Variants in ZNF548 observed in about 807,000 individuals in gnomAD.
The protein encoded by ZNF548 is zinc finger protein 548.
In ZNF548, 10 loss-of-function variants were observed where a neutral mutation model predicts 10.2. The ratio of observed to expected loss-of-function variants is 0.98; its 90% CI spans 0.60 to 1.66. The LOEUF (loss-of-function observed/expected upper bound fraction) is 1.66, where lower values mean the gene tolerates loss of function less well. Ranked by LOEUF, ZNF548 falls within the 40% of genes most tolerant of loss-of-function variation. The probability of loss-of-function intolerance (pLI) is 0.00; values close to 1 mark genes in which losing one functional copy is unlikely to be tolerated. For synonymous variants in ZNF548, 217 were observed against 223.5 expected, an observed-to-expected ratio of 0.97 and a Z score of 0.26; for missense variants, 599 against 657.0, an observed-to-expected ratio of 0.91 and a Z score of 0.97.
At chr19:57,396,453 G>A (rs958568789) in intron 2 of ZNF548, among the ~76,000 whole-genome samples, 1 of 152,232 alleles carries the variant, frequency 6.6e-6, no homozygotes, top group Admixed American at 6.5e-5. Flanking sequence ...TCCACATTGG[G>A]AGGGTGTGGA....
At chr19:57,397,277 T>G (rs536421371) in intron 3 of ZNF548, 103 bp downstream of exon 3, 43 of 1,423,112 alleles carry the variant, frequency 3.0e-5, no homozygotes, top group East Asian at 1.7e-4. Context: ...GGGTGCTGCT[T>G]CTTTTCCCTG....
chr19:57,399,581 T>G lies in ZNF548; in HGVS notation c.1330T>G (p.Tyr444Asp). The G allele has an allele frequency of 6.2e-7, 1 of 1,613,992 alleles. No homozygotes were observed. The highest frequency in any genetic ancestry group is 8.5e-7 in the Non-Finnish European group (1 of 1,179,986). The change falls in exon 4 of 4, where the codon TAC becomes GAC. Residue 444 changes from tyrosine to aspartate, a missense_variant. Transcript: ENST00000336128. This position sits in a 1 kb window ranked among gnomAD's most constrained non-coding sequence, Gnocchi z 4.0. ...CAGCGAATGCGGGAAATTCTTTCGTTACAACTCCAACCTCATTAAACATTG... is the reference window on the plus strand; with the variant it reads ...CAGCGAATGCGGGAAATTCTTTCGTGACAACTCCAACCTCATTAAACATTG... ...ECSECGKFFR[Y>D]NSNLIKHWRN... is the part of the protein sequence containing the mutation.
chr19:57,397,204 G>T, intron 3 of ZNF548, 30 bp downstream of exon 3: 1 of 1,549,270 alleles, frequency 6.5e-7, no homozygotes, highest in Non-Finnish European at 8.7e-7. Context: ...CCAGTGTCCT[G>T]GGTTAGGCTG....
In ZNF548 at chr19:57,398,718, A is replaced by T; in HGVS notation, c.467A>T (p.His156Leu). The T allele has an allele frequency of 6.2e-7, 1 of 1,613,784 alleles. No homozygotes were observed. Among genetic ancestry groups the T allele is most frequent in the Non-Finnish European group, 8.5e-7 (1 of 1,179,840 alleles). ...TGGATACCTTCATTTGGGAAGAACC[A>T]CAGAGTTCACATGGCAGAGGAGATC... Reference protein sequence around the residue: ...DDWIPSFGKNHRVHMAEEIFT... With the variant: ...DDWIPSFGKNLRVHMAEEIFT... The change falls in exon 4 of 4, where the codon CAC becomes CTC. Residue 156 changes from histidine to leucine, a missense_variant. By Grantham distance (99) the His-to-Leu change is moderately conservative. Transcript: ENST00000336128.
intron 1 of ZNF548, among the ~76,000 whole-genome samples, chr19:57,392,489 A>G (rs1039062329): frequency 1.3e-5 from 2 of 152,202 alleles, no homozygotes; most frequent in Non-Finnish European, 2.9e-5. Context: ...GTCCAGATTC[A>G]TTCTTTTTCA....
intron 1 of ZNF548, among the ~76,000 whole-genome samples, chr19:57,393,592 G>A (rs1484764780): frequency 2.0e-5 from 3 of 150,758 alleles, no homozygotes; most frequent in African/African-American, 4.9e-5. Flanking sequence ...AACAGGAGGC[G>A]GAGGTTGCAG....
Position 57,398,744 on chromosome 19 carries a change from T to C in ZNF548, c.493T>C (p.Phe165Leu). 1 of 1,614,028 alleles carries C rather than the reference T, an allele frequency of 6.2e-7. No homozygotes were observed. The highest frequency in any genetic ancestry group is 8.5e-7 in the Non-Finnish European group (1 of 1,179,914). Residue 165 changes from phenylalanine to leucine, a missense_variant, in exon 4 of 4, where the codon TTC becomes CTC. Coordinates refer to ENST00000336128, the MANE Select transcript of ZNF548 (RefSeq NM_001172773.2). ...CAGAGTTCACATGGCAGAGGAGATC[T>C]TCACATGCATGGAGGGCTGGAAGGA... ...NHRVHMAEEI[F>L]TCMEGWKDLP... is the part of the protein sequence containing the mutation.
rs997743933 is a variant in ZNF548 at position 57,399,343 on chromosome 19, C to T, written c.1092C>T (p.Leu364=). 7 of 1,613,956 alleles carry T rather than the reference C, an allele frequency of 4.3e-6. No individual in the cohort carries two copies. The highest frequency in any genetic ancestry group is 2.2e-5 in the South Asian group (2 of 91,078). The change falls in exon 4 of 4, where the codon CTC becomes CTT. Residue 364 remains leucine (L), a synonymous_variant. Transcript: ENST00000336128. The surrounding 1 kb of genome is among the most constrained non-coding windows in gnomAD (Gnocchi z 4.0). ...CGKFFRYIST[L]IRHQRIHTGE... is the part of the protein sequence containing the mutation. Reference sequence around the variant, plus strand: ...AATTTTTTAGGTATATCTCCACACTCATTAGACATCAGAGAATTCACACTG... The same window carrying T: ...AATTTTTTAGGTATATCTCCACACTTATTAGACATCAGAGAATTCACACTG...
Position 57,400,029 on chromosome 19 carries a change from T to TATAGTTGAGACATTTCTGG in ZNF548, c.*140_*141insATAGTTGAGACATTTCTGG. ...TTCCCCTTCCCTACTTCCCCAGAAA[T>TATAGTTGAGACATTTCTGG]GTCTCAACTATATTTCTATACTCTA... is the stretch of plus-strand genomic sequence containing the variant. On this transcript the variant is annotated 3_prime_UTR_variant, in exon 4 of 4. Coordinates refer to ENST00000336128, the MANE Select transcript of ZNF548 (RefSeq NM_001172773.2). The TATAGTTGAGACATTTCTGG allele has an allele frequency of 1.5e-6, 1 of 654,730 alleles. No homozygotes were observed. Among genetic ancestry groups the TATAGTTGAGACATTTCTGG allele is most frequent in the Non-Finnish European group, 2.6e-6 (1 of 389,658 alleles). The allele number at this position is 654,730 out of a possible 1,614,324, so 40.6% of individuals were successfully genotyped here.
intron 3 of ZNF548, 163 bp downstream of exon 3, chr19:57,397,337 A>C: frequency 1.8e-6 from 2 of 1,115,194 alleles, no homozygotes; most frequent in East Asian, 2.6e-5. Flanking sequence ...TGTGTTTTAT[A>C]CCCCCTTTTT....
Position 57,400,692 on chromosome 19 carries a change from C to G in ZNF548, c.*803C>G, listed in dbSNP as rs2088709008. On this transcript the variant is annotated 3_prime_UTR_variant, in exon 4 of 4. Transcript: ENST00000336128. ...TTGTGATCTGCCTGCCTTGGCCTCT[C>G]AAAGTGCTGGGATTACGGGCGTGAG... The G allele has an allele frequency of 6.6e-6, 1 of 152,242 alleles. No homozygotes were observed. The allele number at this position is 152,242 out of a possible 1,614,324, so 9.4% of individuals were successfully genotyped here.
Position 57,390,027 on chromosome 19 carries a change from C to T in ZNF548, c.-73C>T. 6.4e-7 allele frequency: 1 copy of T among 1,568,700 alleles called. No homozygotes were observed. The highest frequency in any genetic ancestry group is 2.2e-5 in the East Asian group (1 of 44,598). ...TGAGTCAACTGACAAGCGCTGGGGACAGTGGCGTCCTTGTCTTGCCTTTGT... is the reference window on the plus strand; with the variant it reads ...TGAGTCAACTGACAAGCGCTGGGGATAGTGGCGTCCTTGTCTTGCCTTTGT... On this transcript the variant is annotated 5_prime_UTR_variant, in exon 1 of 4. Transcript: ENST00000336128.
intron 1 of ZNF548, chr19:57,393,048 A>C: frequency 1.1e-6 from 1 of 912,972 alleles, no homozygotes; most frequent in Non-Finnish European, 1.3e-6. Flanking sequence ...GTTGAACAAG[A>C]GAAATGTTAT....
chr19:57,398,704 A>C lies in ZNF548; in HGVS notation c.453A>C (p.Ser151=). The C allele has an allele frequency of 6.2e-7, 1 of 1,614,066 alleles. No homozygotes were observed. Among genetic ancestry groups the C allele is most frequent in the Non-Finnish European group, 8.5e-7 (1 of 1,179,930 alleles). The change falls in exon 4 of 4, where the codon TCA becomes TCC. Residue 151 remains serine (S), a synonymous_variant. Transcript: ENST00000336128. ...NLSRGDDWIP[S]FGKNHRVHMA... ...CCAGAGGGGATGATTGGATACCTTC[A>C]TTTGGGAAGAACCACAGAGTTCACA...
At chr19:57,394,068 C>A (rs1322455806) in intron 1 of ZNF548, 120 bp from the exon 2 acceptor site, 16 of 1,114,556 alleles carry the variant, frequency 1.4e-5, no homozygotes, top group Non-Finnish European at 2.0e-5. Flanking sequence ...GCCTGAGGAA[C>A]TTTATTCAAT....
At position 57,398,877 on chromosome 19, in the gene ZNF548, A is replaced by T; in HGVS notation, c.626A>T (p.Tyr209Phe). The T allele has an allele frequency of 6.2e-7, 1 of 1,614,068 alleles. No individual in the cohort carries two copies. The highest frequency in any genetic ancestry group is 1.1e-5 in the South Asian group (1 of 91,090). Residue 209 changes from tyrosine (Y) to phenylalanine (F), a missense_variant, in exon 4 of 4, where the codon TAC becomes TTC. Transcript: ENST00000336128. ...GCCTTTCAGACTGGACAAAATGATT[A>T]CAAATGTAGTGAATGTGGGAAAACC... ...REAFQTGQND[Y>F]KCSECGKTFT...
At position 57,393,413 on chromosome 19, in the gene ZNF548, C is replaced by T. The variant is rs568664310; in HGVS notation, c.16-775C>T. Among the ~76,000 whole-genome samples the T allele has an allele frequency of 2.6e-5, 4 of 152,022 alleles. No individual in the cohort carries two copies. The East Asian group carries it at 7.8e-4, about 30-fold the overall frequency. ...TGGTGGCTCACACCTGTAATCCCAG[C>T]ACTTTGGGAGGCCGAGGTGGGTGGA... On this transcript the variant is annotated intron_variant, in intron 1 of 3. Coordinates refer to ENST00000336128, the MANE Select transcript of ZNF548 (RefSeq NM_001172773.2).
At chr19:57,396,590 A>G (rs1198818858) in intron 2 of ZNF548, among the ~76,000 whole-genome samples, 1 of 152,264 alleles carries the variant, frequency 6.6e-6, no homozygotes, top group Non-Finnish European at 1.5e-5. Context: ...GGACAGGCCA[A>G]TGACTGAAAG....
chr19:57,399,591 A>G lies in ZNF548; in HGVS notation c.1340A>G (p.Asn447Ser), dbSNP rs777129172. ...ECGKFFRYNS[N>S]LIKHWRNHTG... ...GGGAAATTCTTTCGTTACAACTCCA[A>G]CCTCATTAAACATTGGAGAAATCAC... The change falls in exon 4 of 4, where the codon AAC becomes AGC. Residue 447 changes from asparagine (N) to serine (S), a missense_variant. Coordinates refer to ENST00000336128, the MANE Select transcript of ZNF548 (RefSeq NM_001172773.2). The surrounding 1 kb of genome is among the most constrained non-coding windows in gnomAD (Gnocchi z 4.0). 8 of 1,612,298 alleles carry G rather than the reference A, an allele frequency of 5.0e-6. No individual in the cohort carries two copies. The highest frequency in any genetic ancestry group is 1.7e-5 in the Admixed American group (1 of 59,860).
Sources: allele counts gnomAD v4.1 joint callset (sites outside exome capture counted in the v4.1 genomes callset), GRCh38; gene constraint gnomAD v4.1.1; non-coding constraint Gnocchi (gnomAD v3.1); transcripts MANE v1.5; gene names NCBI Gene and HGNC (gene_info 2026-07-23, HGNC 2026-07-21).